Variants in PER2 observed in about 807,000 individuals in gnomAD.
The protein encoded by PER2 is period circadian regulator 2, also known as period circadian protein homolog 2.
A neutral mutation model predicts 121.0 loss-of-function variants in PER2; 66 were observed. The observed-to-expected ratio is 0.55, with a 90% CI of 0.45 to 0.67. The LOEUF (loss-of-function observed/expected upper bound fraction) is 0.67, where lower values mean the gene tolerates loss of function less well. PER2 is among the 30% of genes least tolerant of loss of function. The pLI is 0.00. For missense variants in PER2, 1,521 were observed against 1,635.0 expected, an observed-to-expected ratio of 0.93 and a Z score of 1.20; for synonymous variants, 684 against 659.9, an observed-to-expected ratio of 1.04 and a Z score of -0.56.
chr2:238,286,635 T>C (rs1696797297), intron 1 of PER2, among the ~76,000 whole-genome samples: 1 of 152,192 alleles, frequency 6.6e-6, no homozygotes, highest in African/African-American at 2.4e-5. Flanking sequence ...GAATTGTGTG[T>C]TTCTGGCTCC....
At chr2:238,256,807 CCCT>C in intron 17 of PER2, 112 bp downstream of exon 17, 1 of 1,086,156 alleles carries the variant, frequency 9.2e-7, no homozygotes. Context: ...CTGAAACGCC[CCCT>C]ATCGGGCTAT....
intron 1 of PER2, 56 bp from the exon 2 acceptor site, chr2:238,278,011 G>A: frequency 1.9e-6 from 3 of 1,565,850 alleles, no homozygotes; most frequent in Non-Finnish European, 8.7e-7. Flanking sequence ...AAGGGGCGCT[G>A]CAGCCATCAG....
rs1400444489 is a variant in PER2 at position 238,252,954 on chromosome 2, T to G, written c.3069A>C (p.Lys1023Asn). 1 of 1,613,606 alleles carries G rather than the reference T, an allele frequency of 6.2e-7. No individual in the cohort carries two copies. The highest frequency in any genetic ancestry group is 1.3e-5 in the African/African-American group (1 of 74,880). The change falls in exon 19 of 23, where the codon AAA (lysine) becomes AAC (asparagine). Residue 1023 changes from lysine to asparagine, a missense_variant. By Grantham distance (94) the Lys-to-Asn change is moderately conservative. Coordinates refer to ENST00000254657, the MANE Select transcript of PER2 (RefSeq NM_022817.3). The surrounding 1 kb of genome is among the most constrained non-coding windows in gnomAD (Gnocchi z 4.2). ...GCTGCTGGTCCCGAGAAGTGCCAGG[T>G]TTGCAGTCCGCCCCTACAGCTGCTG... The part of the protein sequence containing the change: ...TETAAVGADC[K>N]PGTSRDQQPK...
In PER2 at chr2:238,262,330, C is replaced by T. The variant is rs758139349; in HGVS notation, c.1168G>A (p.Gly390Arg). 8.1e-6 allele frequency: 13 copies of T among 1,614,016 alleles called. No homozygotes were observed. Among genetic ancestry groups the T allele is most frequent in the Admixed American group, 3.3e-5 (2 of 60,026 alleles). The change falls in exon 11 of 23, where the codon GGG becomes AGG. Residue 390 changes from glycine (G) to arginine (R), a missense_variant. Physicochemically the swap from Gly to Arg is moderately radical, Grantham distance 125 (BLOSUM62 -2). Transcript: ENST00000254657. Reference protein sequence around the residue: ...AIHKKILQSGGQPFDYSPIRF... With the variant: ...AIHKKILQSGRQPFDYSPIRF... Reference sequence around the variant, plus strand: ...ATGGGAGAATAGTCGAAAGGCTGCCCGCCTGACTGCAGGACTAGGAGAGCA... The same window carrying T: ...ATGGGAGAATAGTCGAAAGGCTGCCTGCCTGACTGCAGGACTAGGAGAGCA...
chr2:238,246,509 C>G lies in PER2; in HGVS notation c.3634G>C (p.Glu1212Gln), dbSNP rs1695455333. The G allele has an allele frequency of 1.3e-6, 2 of 1,562,704 alleles. No individual in the cohort carries two copies. The highest frequency in any genetic ancestry group is 1.8e-6 in the Non-Finnish European group (2 of 1,133,522). Residue 1212 changes from glutamate (E) to glutamine (Q), a missense_variant, in exon 23 of 23, where the codon GAA (glutamate) becomes CAA (glutamine). Glu to Gln is a conservative substitution (Grantham distance 29). Transcript: ENST00000254657. The part of the protein sequence containing the change: ...AIDVAECVYC[E>Q]NKEKGNICIP... ...CAAATATTACCTTTTTCCTTGTTTT[C>G]ACAGTAAACACATTCCTTAAAAGAA...
rs1328116585 is a variant in PER2, at chr2:238,271,486, C to T, written c.598G>A (p.Val200Met). Residue 200 changes from valine (V) to methionine (M), a missense_variant, in exon 6 of 23, where the codon GTG (valine) becomes ATG (methionine). Coordinates refer to ENST00000254657, the MANE Select transcript of PER2 (RefSeq NM_022817.3). ...ADMFAVAVSL[V>M]SGKILYISDQ... ...GAGATGTACAGGATCTTCCCAGACA[C>T]CAGGGACACGGCCACCGCAAACATA... 1 of 1,613,754 alleles carries T rather than the reference C, an allele frequency of 6.2e-7. No individual in the cohort carries two copies. Among genetic ancestry groups the T allele is most frequent in the Non-Finnish European group, 8.5e-7 (1 of 1,179,742 alleles).
rs1321568458 is a variant in PER2, at chr2:238,265,558, T to C, written c.1000A>G (p.Thr334Ala). 4 of 1,611,318 alleles carry C rather than the reference T, an allele frequency of 2.5e-6. No individual in the cohort carries two copies. The South Asian group carries it at 4.4e-5, about 18-fold the overall frequency. Residue 334 changes from threonine to alanine, a missense_variant, in exon 9 of 23, where the codon ACA becomes GCA. Thr to Ala is a moderately conservative substitution (Grantham distance 58). Coordinates refer to ENST00000254657, the MANE Select transcript of PER2 (RefSeq NM_022817.3). ...AAACAATTTGGTGTATGGGTGGTTG[T>C]AAAAATTCTCTTTTCAGGAGGAATT... ...PRIPPEKRIF[T>A]TTHTPNCLFQ...
intron 4 of PER2, among the ~76,000 whole-genome samples, chr2:238,275,214 G>A (rs1696415208): frequency 6.6e-6 from 1 of 152,172 alleles, no homozygotes; most frequent in African/African-American, 2.4e-5. Flanking sequence ...CACATGAAAA[G>A]GCACAGCTCC....
At chr2:238,269,623 G>A (rs573841909) in intron 6 of PER2, among the ~76,000 whole-genome samples, 1 of 149,788 alleles carries the variant, frequency 6.7e-6, no homozygotes, top group East Asian at 2.0e-4. Context: ...ACACACTCAC[G>A]GTGCACTGCT....
upstream of PER2, among the ~76,000 whole-genome samples, chr2:238,293,419 AT>A (rs560620282): frequency 6.2e-4 from 95 of 152,300 alleles, no homozygotes; most frequent in African/African-American, 2.0e-3. Context: ...AAAATTTGCT[AT>A]CATGTCACTT....
chr2:238,259,609 T>A (rs1695865244), intron 14 of PER2, among the ~76,000 whole-genome samples: 1 of 152,242 alleles, frequency 6.6e-6, no homozygotes, highest in Non-Finnish European at 1.5e-5. Context: ...ATACAGCTAC[T>A]CTGTACAGCA....
rs1358820125 is a variant in PER2, at chr2:238,288,387, T to C, written c.-58A>G. The C allele has an allele frequency of 6.6e-6, 1 of 152,200 alleles. No homozygotes were observed. Among genetic ancestry groups the C allele is most frequent in the East Asian group, 1.9e-4 (1 of 5,186 alleles). The allele number at this position is 152,200 out of a possible 1,614,324, so 9.4% of individuals were successfully genotyped here. On this transcript the variant is annotated 5_prime_UTR_variant, in exon 1 of 23. Coordinates refer to ENST00000254657, the MANE Select transcript of PER2 (RefSeq NM_022817.3). ...GGCTCCTGAGCTGCGAAGCGGGGGT[T>C]CGAGTCCCCAACCCTCGGTGTCACC...
the PER2 span, among the ~76,000 whole-genome samples, chr2:238,296,024 T>C: frequency 1.1e-4 from 17 of 151,582 alleles, no homozygotes; most frequent in Admixed American, 6.6e-4. Flanking sequence ...GTCAGTCGTG[T>C]GCCCTCCTGC....
Position 238,260,901 on chromosome 2 carries a change from G to A in PER2, c.1469C>T (p.Ser490Phe), listed in dbSNP as rs376910199. The change falls in exon 13 of 23, where the codon TCC (serine) becomes TTC (phenylalanine). Residue 490 changes from serine to phenylalanine, a missense_variant. By Grantham distance (155) the Ser-to-Phe change is radical. Coordinates refer to ENST00000254657, the MANE Select transcript of PER2 (RefSeq NM_022817.3). ...SGYGSLGSNG[S>F]HEHLMSQTSS... is the part of the protein sequence containing the mutation. Reference sequence around the variant, plus strand: ...GGTCTGGCTCATAAGGTGCTCGTGGGACCCGTTGCTGCCCAGACTCCCGTA... The same window carrying A: ...GGTCTGGCTCATAAGGTGCTCGTGGAACCCGTTGCTGCCCAGACTCCCGTA... 4 of 1,613,608 alleles carry A rather than the reference G, an allele frequency of 2.5e-6. No homozygotes were observed. Among genetic ancestry groups the A allele is most frequent in the Non-Finnish European group, 3.4e-6 (4 of 1,180,012 alleles).
intron 4 of PER2, among the ~76,000 whole-genome samples, chr2:238,275,076 C>T (rs1359366485): frequency 6.6e-6 from 1 of 152,206 alleles, no homozygotes; most frequent in Admixed American, 6.5e-5. Context: ...CCTAACTGTA[C>T]ACTGTGCTTT....
At chr2:238,269,667 C>T (rs1696226292) in intron 6 of PER2, among the ~76,000 whole-genome samples, 1 of 152,102 alleles carries the variant, frequency 6.6e-6, no homozygotes, top group African/African-American at 2.4e-5. Flanking sequence ...ACTGAACACA[C>T]GGTGCACTGC....
At chr2:238,264,546 C>T (rs984464232) in intron 9 of PER2, among the ~76,000 whole-genome samples, 1 of 152,226 alleles carries the variant, frequency 6.6e-6, no homozygotes, top group Non-Finnish European at 1.5e-5. Flanking sequence ...ACCCAGCACA[C>T]TGGTGCTTCT....
At chr2:238,280,685 G>C (rs945008176) in intron 1 of PER2, among the ~76,000 whole-genome samples, 18 of 152,126 alleles carry the variant, frequency 1.2e-4, no homozygotes, top group African/African-American at 3.9e-4. Flanking sequence ...GAGAAGAGAA[G>C]AGAGATGGAG....
chr2:238,246,672 C>T (rs1194207132), intron 22 of PER2, 148 bp from the exon 23 acceptor site: 2 of 553,678 alleles, frequency 3.6e-6, no homozygotes, highest in Non-Finnish European at 3.3e-6. Flanking sequence ...GTCAGGAGAT[C>T]GAGACCTTCC....
Sources: gnomAD v4.1 joint callset for allele counts (sites outside exome capture counted in the v4.1 genomes callset) on GRCh38, gnomAD v4.1.1 for gene constraint, Gnocchi (gnomAD v3.1) non-coding constraint, MANE v1.5 for transcripts, NCBI Gene and HGNC (gene_info 2026-07-23, HGNC 2026-07-21) for gene names.